The following GPATCH2 variants were observed in gnomAD, a reference collection of about 807,000 sequenced individuals.
GPATCH2 encodes the protein G-patch domain containing 2, also known as G patch domain-containing protein 2.
In GPATCH2, 51 loss-of-function variants were observed where a neutral mutation model predicts 58.0. That is an observed-to-expected ratio of 0.88 (90% confidence interval 0.70 to 1.11). GPATCH2 has a LOEUF of 1.11. GPATCH2 is among the 50% of genes most tolerant of loss of function. GPATCH2 has a pLI of 0.00. For synonymous variants in GPATCH2, 222 were observed against 218.5 expected, an observed-to-expected ratio of 1.02 and a Z score of -0.14; for missense variants, 625 against 652.2, an observed-to-expected ratio of 0.96 and a Z score of 0.45.
chr1:217,467,774 C>T (rs1660529479), intron 8 of GPATCH2, among the ~76,000 whole-genome samples: 1 of 152,022 alleles, frequency 6.6e-6, no homozygotes, highest in South Asian at 2.1e-4. Context: ...ACTGTGGTTT[C>T]TAAACCTATT....
intron 8 of GPATCH2, among the ~76,000 whole-genome samples, chr1:217,452,584 T>C (rs917428075): frequency 2.6e-5 from 4 of 152,198 alleles, no homozygotes; most frequent in Non-Finnish European, 5.9e-5. Flanking sequence ...TAACTATTTT[T>C]TCATACTTCT....
chr1:217,537,571 T>C (rs2102636748), intron 5 of GPATCH2, among the ~76,000 whole-genome samples: 1 of 152,272 alleles, frequency 6.6e-6, no homozygotes. Context: ...ACTCAAAATA[T>C]TAAAATATGA....
chr1:217,451,838 C>T (rs1178072351), intron 8 of GPATCH2, among the ~76,000 whole-genome samples: 1 of 152,210 alleles, frequency 6.6e-6, no homozygotes, highest in Non-Finnish European at 1.5e-5. Context: ...AACTCATGAA[C>T]TAGCTACTTC....
At chr1:217,541,866 A>G (rs1029697155) in intron 5 of GPATCH2, among the ~76,000 whole-genome samples, 31 of 152,344 alleles carry the variant, frequency 2.0e-4, no homozygotes, top group African/African-American at 6.7e-4. Flanking sequence ...GGAAGCTGAG[A>G]ACACCCAAAT....
intron 9 of GPATCH2, among the ~76,000 whole-genome samples, chr1:217,440,209 T>C (rs903154593): frequency 6.6e-6 from 1 of 152,176 alleles, no homozygotes; most frequent in African/African-American, 2.4e-5. Context: ...TGGTTCAACA[T>C]ACTCAAATCA....
chr1:217,587,862 T>C (rs143919369), intron 5 of GPATCH2, among the ~76,000 whole-genome samples: 1,640 of 152,286 alleles, frequency 0.011, 24 homozygotes, highest in Middle Eastern at 0.048. Context: ...ATAGGTATTA[T>C]GAAAGACTCA....
chr1:217,601,614 T>C (rs1571633284), intron 5 of GPATCH2, among the ~76,000 whole-genome samples: 2 of 152,240 alleles, frequency 1.3e-5, no homozygotes, highest in East Asian at 3.9e-4. Context: ...ATAATGTTCA[T>C]TCAATAATGA....
At chr1:217,502,733 G>C (rs144783353) in intron 6 of GPATCH2, among the ~76,000 whole-genome samples, 107 of 152,126 alleles carry the variant, frequency 7.0e-4, no homozygotes, top group African/African-American at 2.5e-3. Flanking sequence ...TTACCCACAG[G>C]ATGATCATAC....
chr1:217,532,967 T>C (rs1360928742), intron 5 of GPATCH2, among the ~76,000 whole-genome samples: 1 of 145,248 alleles, frequency 6.9e-6, no homozygotes, highest in African/African-American at 2.6e-5. Context: ...GGTGCCATCA[T>C]AGCTCACTGC....
At chr1:217,601,976 AAGAGTTGATC>A (rs1260790507) in intron 5 of GPATCH2, among the ~76,000 whole-genome samples, 1 of 152,144 alleles carries the variant, frequency 6.6e-6, no homozygotes, top group African/African-American at 2.4e-5. Context: ...GATGTCATGC[AAGAGTTGATC>A]AGAATATCAG....
intron 8 of GPATCH2, among the ~76,000 whole-genome samples, chr1:217,489,042 G>A (rs1264536619): frequency 6.6e-6 from 1 of 150,448 alleles, no homozygotes; most frequent in African/African-American, 2.4e-5. Context: ...TGATTCAATT[G>A]TCTAATTTTA....
At chr1:217,561,072 AAAACAAACAGAC>A (rs1365656792) in intron 5 of GPATCH2, among the ~76,000 whole-genome samples, 6 of 152,320 alleles carry the variant, frequency 3.9e-5, no homozygotes, top group Non-Finnish European at 5.9e-5. Context: ...TCACTTCTGG[AAAACAAACAGAC>A]AAACAAACAG....
At chr1:217,474,576 G>A (rs1660888327) in intron 8 of GPATCH2, among the ~76,000 whole-genome samples, 1 of 152,224 alleles carries the variant, frequency 6.6e-6, no homozygotes, top group African/African-American at 2.4e-5. Flanking sequence ...AGTTGAGGGT[G>A]AGATGTCCTA....
At chr1:217,550,685 C>CA (rs1055296935) in intron 5 of GPATCH2, among the ~76,000 whole-genome samples, 1 of 151,578 alleles carries the variant, frequency 6.6e-6, no homozygotes, top group African/African-American at 2.4e-5. Flanking sequence ...AATTTGTTTC[C>CA]AAAAATGAAA....
intron 9 of GPATCH2, among the ~76,000 whole-genome samples, chr1:217,437,702 G>C (rs1296261983): frequency 3.3e-5 from 5 of 152,150 alleles, no homozygotes; most frequent in African/African-American, 1.2e-4. Flanking sequence ...CTATGGGCAG[G>C]GCATCTCTGA....
At chr1:217,583,332 G>T (rs192591839) in intron 5 of GPATCH2, among the ~76,000 whole-genome samples, 2 of 152,096 alleles carry the variant, frequency 1.3e-5, no homozygotes, top group Admixed American at 1.3e-4. Flanking sequence ...AGCACTTTGG[G>T]AGGCTGAGGT....
chr1:217,459,746 T>C (rs1660116966), intron 8 of GPATCH2, among the ~76,000 whole-genome samples: 1 of 152,138 alleles, frequency 6.6e-6, no homozygotes, highest in Admixed American at 6.5e-5. Flanking sequence ...TTATGAGATA[T>C]TCCTAATATT....
At chr1:217,451,164 A>G (rs1659648357) in intron 8 of GPATCH2, among the ~76,000 whole-genome samples, 1 of 152,204 alleles carries the variant, frequency 6.6e-6, no homozygotes, top group Non-Finnish European at 1.5e-5. Context: ...ACTAGTGAAG[A>G]CTGTATTATT....
intron 6 of GPATCH2, among the ~76,000 whole-genome samples, chr1:217,500,071 T>G (rs1248022985): frequency 1.3e-5 from 2 of 152,114 alleles, no homozygotes; most frequent in African/African-American, 4.8e-5. Flanking sequence ...ATACAGACAT[T>G]ATTATGACTA....
Sources: gnomAD v4.1 joint callset for allele counts (sites outside exome capture counted in the v4.1 genomes callset) on GRCh38, gnomAD v4.1.1 for gene constraint, MANE v1.5 for transcripts, NCBI Gene and HGNC (gene_info 2026-07-23, HGNC 2026-07-21) for gene names.